Variants in BLOC1S3 observed in about 807,000 individuals in gnomAD.
BLOC1S3 encodes the protein biogenesis of lysosome-related organelles complex 1 subunit 3.
Under a neutral mutation model 9.1 loss-of-function variants are expected in BLOC1S3, and 7 were observed. That is an observed-to-expected ratio of 0.77 (90% CI 0.44 to 1.45). The LOEUF is 1.45. Ranked by LOEUF, BLOC1S3 falls within the 40% of genes most tolerant of loss-of-function variation. The pLI is 0.01. For synonymous variants in BLOC1S3, 145 were observed against 158.4 expected (o/e 0.92, Z 0.64); for missense variants, 307 against 315.2 (o/e 0.97, Z 0.20).
chr19:45,215,612 A>G (rs1298174927), intron 3 of BLOC1S3, among the ~76,000 whole-genome samples: 1 of 152,198 alleles, frequency 6.6e-6, no homozygotes, highest in African/African-American at 2.4e-5. Context: ...TAATAACCCT[A>G]TGACGAGAAT....
intron 2 of BLOC1S3, among the ~76,000 whole-genome samples, chr19:45,202,019 C>A (rs918863474): frequency 4.6e-5 from 7 of 151,722 alleles, no homozygotes; most frequent in African/African-American, 1.7e-4. Context: ...GTCAGGAGAT[C>A]GAGACCATCC....
chr19:45,196,102 A>G (rs999320720), intron 2 of BLOC1S3, among the ~76,000 whole-genome samples: 2 of 152,240 alleles, frequency 1.3e-5, no homozygotes, highest in African/African-American at 2.4e-5. Context: ...ATGTATGGGT[A>G]TCTTGGAAAG....
At chr19:45,208,464 G>A (rs1368758461) in intron 3 of BLOC1S3, among the ~76,000 whole-genome samples, 2 of 151,192 alleles carry the variant, frequency 1.3e-5, no homozygotes, top group East Asian at 3.9e-4. Flanking sequence ...AAAATTAGCT[G>A]GGCGTGGTGT....
chr19:45,213,360 G>A (rs1323265695), intron 3 of BLOC1S3: 1 of 1,613,002 alleles, frequency 6.2e-7, no homozygotes. Flanking sequence ...GCTTCTGCCT[G>A]TGGGGAGAGG....
At chr19:45,209,152 C>T in intron 3 of BLOC1S3, among the ~76,000 whole-genome samples, 1 of 151,740 alleles carries the variant, frequency 6.6e-6, no homozygotes, top group East Asian at 1.9e-4. Flanking sequence ...GGGTTCAAAC[C>T]ATTCTCCTGC....
chr19:45,213,134 G>A (rs1969794660), intron 3 of BLOC1S3: 1 of 1,579,082 alleles, frequency 6.3e-7, no homozygotes, highest in Non-Finnish European at 8.6e-7. Context: ...GCCAAACTGG[G>A]CCTGGCCAGC....
intron 3 of BLOC1S3, among the ~76,000 whole-genome samples, chr19:45,214,258 G>C (rs1871501659): frequency 6.6e-6 from 1 of 152,040 alleles, no homozygotes; most frequent in African/African-American, 2.4e-5. Flanking sequence ...CCCACCCTCA[G>C]TGCTGAAACT....
chr19:45,207,226 G>C (rs180701077), intron 3 of BLOC1S3, among the ~76,000 whole-genome samples: 1,796 of 151,420 alleles, frequency 0.012, 18 homozygotes, highest in South Asian at 0.029. Flanking sequence ...TCTGCCTCCC[G>C]GGTTCAAGTG....
In BLOC1S3 at chr19:45,211,985, T is replaced by A. The variant is rs532954078; in HGVS notation, n.283-4691T>A. Among the ~76,000 whole-genome samples, 8 of 152,154 alleles carry A rather than the reference T, an allele frequency of 5.3e-5. No homozygotes were observed. The South Asian group carries it at 1.5e-3, about 28-fold the overall frequency. ...AAATTTTCCCACCCCGAGACTTTCC[T>A]GCGTCAACCCAGGAGGGCGCCCTGG... On this transcript the variant is annotated intron_variant and non_coding_transcript_variant, in intron 3 of 3. Transcript: ENST00000591569.
chr19:45,202,396 C>T (rs1969698287), intron 2 of BLOC1S3: 1 of 154,972 alleles, frequency 6.5e-6, no homozygotes, highest in Admixed American at 6.5e-5. Flanking sequence ...CCTCACTTTT[C>T]CTCACACAGG....
chr19:45,205,327 G>A (rs890461529), intron 3 of BLOC1S3, among the ~76,000 whole-genome samples: 30 of 151,918 alleles, frequency 2.0e-4, no homozygotes, highest in African/African-American at 7.3e-4. Flanking sequence ...CACCACACCC[G>A]GCTAATTTTT....
At chr19:45,204,997 G>A (rs1249933574) in intron 3 of BLOC1S3, among the ~76,000 whole-genome samples, 1 of 152,066 alleles carries the variant, frequency 6.6e-6, no homozygotes, top group Non-Finnish European at 1.5e-5. Flanking sequence ...GCCTCCCAAA[G>A]TGCTAGGATT....
intron 3 of BLOC1S3, chr19:45,213,473 G>A: frequency 7.9e-7 from 1 of 1,268,458 alleles, no homozygotes; most frequent in African/African-American, 1.5e-5. Flanking sequence ...CTGAGTTCTG[G>A]GGCCTCTGTG....
chr19:45,212,389 C>T (rs922354385), intron 3 of BLOC1S3, among the ~76,000 whole-genome samples: 10 of 152,148 alleles, frequency 6.6e-5, no homozygotes, highest in Admixed American at 5.2e-4. Flanking sequence ...ATAGAAACCT[C>T]TTTATTCTAA....
At chr19:45,199,309 C>CTTTTTTTTTTTTT (rs34967306) in intron 2 of BLOC1S3, among the ~76,000 whole-genome samples, 4 of 72,474 alleles carry the variant, frequency 5.5e-5, no homozygotes, top group Admixed American at 2.1e-4. Flanking sequence ...GTGCCTTATT[C>CTTTTTTTTTTTTT]TTTTTTTTTT....
chr19:45,205,412 G>A (rs559542799), intron 3 of BLOC1S3, among the ~76,000 whole-genome samples: 24 of 152,142 alleles, frequency 1.6e-4, no homozygotes, highest in African/African-American at 5.1e-4. Flanking sequence ...TGATCTACCC[G>A]CTTCAGCCTC....
intron 3 of BLOC1S3, among the ~76,000 whole-genome samples, chr19:45,215,743 C>A (rs1466263645): frequency 6.6e-6 from 1 of 152,106 alleles, no homozygotes; most frequent in Non-Finnish European, 1.5e-5. Flanking sequence ...GCGTGTGCGC[C>A]CGTGTGCCCT....
In BLOC1S3 at chr19:45,180,025, C is replaced by A; in HGVS notation, c.*120C>A. 8.4e-7 allele frequency: 1 copy of A among 1,192,596 alleles called. No individual in the cohort carries two copies. Among genetic ancestry groups the A allele is most frequent in the Non-Finnish European group, 1.2e-6 (1 of 851,668 alleles). The allele number at this position is 1,192,596 out of a possible 1,614,324, so 73.9% of individuals were successfully genotyped here. A position where few individuals can be genotyped will look rare whatever the true frequency, so the allele number is the denominator to read the frequency against. On this transcript the variant is annotated 3_prime_UTR_variant, in exon 2 of 2. Coordinates refer to ENST00000433642, the MANE Select transcript of BLOC1S3 (RefSeq NM_212550.5). ...ACCCCCGCTCCCATCTTGGTGTCAC[C>A]CATGGGGGCTAATCCGGTCCCCTTG...
chr19:45,209,749 G>A (rs369903076), intron 3 of BLOC1S3, among the ~76,000 whole-genome samples: 2 of 147,826 alleles, frequency 1.4e-5, no homozygotes, highest in African/African-American at 2.5e-5. Flanking sequence ...GCGGAGTTTC[G>A]CCCTTGTTGC....
Sources: allele counts gnomAD v4.1 joint callset (sites outside exome capture counted in the v4.1 genomes callset), GRCh38; gene constraint gnomAD v4.1.1; transcripts MANE v1.5; gene names NCBI Gene and HGNC (gene_info 2026-07-23, HGNC 2026-07-21).